The following SCIN variants were observed in gnomAD, a reference collection of about 807,000 sequenced individuals.
The protein encoded by SCIN is scinderin.
Under a neutral mutation model 91.8 loss-of-function variants are expected in SCIN, and 91 were observed. The ratio of observed to expected loss-of-function variants is 0.99; its 90% CI spans 0.84 to 1.18. SCIN has a LOEUF of 1.18. SCIN is among the 50% of genes most tolerant of loss of function. SCIN has a pLI of 0.00. For synonymous variants in SCIN, 367 were observed against 312.6 expected (o/e 1.17, Z -1.84); for missense variants, 1,087 against 863.9 (o/e 1.26, Z -3.24).
rs1476096693 is a variant in SCIN at position 12,651,699 on chromosome 7, G to A, written c.1960-142G>A. On this transcript the variant is annotated intron_variant, in intron 14 of 15. Transcript: ENST00000297029. The surrounding 1 kb of genome is among the most constrained non-coding windows in gnomAD (Gnocchi z 5.9). ...ACTGGGAAAGTGATGGTACCTCTCT[G>A]GGCCACCACCTCCACGTCCCTAACT... is the stretch of plus-strand genomic sequence containing the variant. 1.7e-6 allele frequency: 1 copy of A among 582,596 alleles called. No homozygotes were observed. Among genetic ancestry groups the A allele is most frequent in the Non-Finnish European group, 3.1e-6 (1 of 326,564 alleles). 36.1% of individuals were successfully genotyped at this position (582,596 alleles called of 1,614,324 possible).
chr7:12,632,791 C>T (rs1444028526), intron 9 of SCIN, among the ~76,000 whole-genome samples: 2 of 152,142 alleles, frequency 1.3e-5, no homozygotes, highest in African/African-American at 4.8e-5. Flanking sequence ...AGAGAAGGCA[C>T]CACATCGGTA....
Position 12,636,064 on chromosome 7 carries a change from C to T in SCIN, c.1339C>T (p.Arg447Ter), listed in dbSNP as rs371750806. Residue 447 changes from arginine to a stop codon, truncating the protein, a stop_gained, in exon 10 of 16, where the codon CGA (arginine) becomes TGA (stop). Transcript: ENST00000297029. LOFTEE classifies it high-confidence loss of function. ...CTCTAGGCAAGGAGCAAATGCCACA[C>T]GAGATGAGCTGACAACATCTGCGTT... ...IYTWQGANATRDELTTSAFLT... is the reference protein window; with the variant it reads ...IYTWQGANAT 40 of 1,612,720 alleles carry T rather than the reference C, an allele frequency of 2.5e-5. No individual in the cohort carries two copies. The highest frequency in any genetic ancestry group is 1.3e-4 in the East Asian group (6 of 44,804).
chr7:12,594,557 G>C (rs1782797114), intron 3 of SCIN, among the ~76,000 whole-genome samples: 1 of 152,198 alleles, frequency 6.6e-6, no homozygotes, highest in Admixed American at 6.5e-5. Context: ...AGGCCATGCA[G>C]TATTGCAGTA....
chr7:12,631,306 C>G (rs568377362), intron 9 of SCIN, among the ~76,000 whole-genome samples: 2 of 152,054 alleles, frequency 1.3e-5, no homozygotes, highest in South Asian at 4.1e-4. Flanking sequence ...GGAGCTTATA[C>G]GTAATGAGAA....
intron 3 of SCIN, among the ~76,000 whole-genome samples, chr7:12,603,744 C>T (rs374275532): frequency 2.8e-4 from 42 of 152,092 alleles, no homozygotes; most frequent in African/African-American, 7.5e-4. Flanking sequence ...TATTCTGTTT[C>T]GACTTTTTCA....
At chr7:12,645,799 G>A (rs564834252) in intron 13 of SCIN, among the ~76,000 whole-genome samples, 3 of 152,276 alleles carry the variant, frequency 2.0e-5, no homozygotes, top group South Asian at 2.1e-4. Context: ...TATAATTAAT[G>A]TGAAAGCATT....
At chr7:12,614,845 CA>C (rs1783267114) in intron 4 of SCIN, among the ~76,000 whole-genome samples, 1 of 152,144 alleles carries the variant, frequency 6.6e-6, no homozygotes, top group South Asian at 2.1e-4. Flanking sequence ...GCTCCATGGC[CA>C]AATAATGCCA....
chr7:12,619,393 A>C (rs1260046755), intron 4 of SCIN, among the ~76,000 whole-genome samples: 1 of 152,188 alleles, frequency 6.6e-6, no homozygotes, highest in African/African-American at 2.4e-5. Flanking sequence ...TAAATAAATA[A>C]AAACAGAGGT....
chr7:12,631,845 TAGAC>T (rs1216456357), intron 9 of SCIN, among the ~76,000 whole-genome samples: 1 of 152,116 alleles, frequency 6.6e-6, no homozygotes, highest in Non-Finnish European at 1.5e-5. Flanking sequence ...AAGTGGGAGA[TAGAC>T]AGGCATGCAA....
Position 12,581,344 on chromosome 7 carries a change from T to G in SCIN, c.516+123T>G, listed in dbSNP as rs1782484890. On this transcript the variant is annotated intron_variant, in intron 3 of 15. Coordinates refer to ENST00000297029, the MANE Select transcript of SCIN (RefSeq NM_001112706.3). Reference sequence around the variant, plus strand: ...ACACCAGAAAGGGGCCACGTTTATGTGAGCTGAGTAATTGCCAAGTATTTA... The same window carrying G: ...ACACCAGAAAGGGGCCACGTTTATGGGAGCTGAGTAATTGCCAAGTATTTA... The G allele has an allele frequency of 5.5e-6, 5 of 904,276 alleles. 1 individual carries two copies. The South Asian group carries it at 9.5e-5, about 17-fold the overall frequency. The allele number at this position is 904,276 out of a possible 1,614,324, so 56.0% of individuals were successfully genotyped here. A position where few individuals can be genotyped will look rare whatever the true frequency, so the allele number is the denominator to read the frequency against.
At chr7:12,632,989 T>C (rs905369382) in intron 9 of SCIN, among the ~76,000 whole-genome samples, 1 of 152,174 alleles carries the variant, frequency 6.6e-6, no homozygotes, top group Admixed American at 6.5e-5. Context: ...GTATGTAAGT[T>C]TGTTAGTGTT....
intron 3 of SCIN, chr7:12,588,808 T>TGGGGGGGGGGGGGGG (rs1184493769): frequency 1.3e-4 from 1 of 7,966 alleles, no homozygotes; most frequent in Admixed American, 1.2e-3. Context: ...CTGCATTGGG[T>TGGGGGGGGGGGGGGG]GGGGGGGGGG....
intron 3 of SCIN, among the ~76,000 whole-genome samples, chr7:12,594,508 A>G (rs1782795906): frequency 6.6e-6 from 1 of 152,118 alleles, no homozygotes; most frequent in Non-Finnish European, 1.5e-5. Flanking sequence ...CGAAAGTGCC[A>G]TTTTCGGGCC....
intron 8 of SCIN, among the ~76,000 whole-genome samples, chr7:12,627,646 A>G (rs767571146): frequency 1.3e-5 from 2 of 152,212 alleles, no homozygotes; most frequent in African/African-American, 2.4e-5. Context: ...TCTAAGCGGC[A>G]TGGGTGTTGG....
chr7:12,626,862 G>A, intron 8 of SCIN, 63 bp downstream of exon 8: 1 of 1,397,022 alleles, frequency 7.2e-7, no homozygotes, highest in Non-Finnish European at 9.9e-7. Context: ...GGGAGGGTGG[G>A]GGAGATCACT....
intron 3 of SCIN, among the ~76,000 whole-genome samples, chr7:12,582,020 A>T (rs1230738015): frequency 3.3e-5 from 5 of 152,148 alleles, no homozygotes; most frequent in Non-Finnish European, 4.4e-5. Context: ...CATTATCATC[A>T]TTTTCATCAC....
chr7:12,570,765 C>G lies in SCIN; in HGVS notation c.-22C>G, dbSNP rs943505877. Reference sequence around the variant, plus strand: ...AAGATCAGCGATATCACGCGTCCCCCGGAGCATCGCGTGCAGGAGCCATGG... The same window carrying G: ...AAGATCAGCGATATCACGCGTCCCCGGGAGCATCGCGTGCAGGAGCCATGG... On this transcript the variant is annotated 5_prime_UTR_variant, in exon 1 of 16. Transcript: ENST00000297029. 1.9e-6 allele frequency: 3 copies of G among 1,547,152 alleles called. No homozygotes were observed. The highest frequency in any genetic ancestry group is 1.7e-6 in the Non-Finnish European group (2 of 1,145,090).
chr7:12,657,538 GTATATATATATATATATATATA>G lies in SCIN; in HGVS notation c.*4837_*4858del, dbSNP rs1174371206. ...ATTTTTAAGTTTTATATATGTGTGT[GTATATATATATATATATATATA>G]TATATATATATATTTTTTTTTTTTT... is the stretch of plus-strand genomic sequence containing the variant. On this transcript the variant is annotated 3_prime_UTR_variant, in exon 16 of 16. Transcript: ENST00000297029. 7.2e-5 allele frequency: 2 copies of G among 27,622 alleles called. No individual in the cohort carries two copies. The highest frequency in any genetic ancestry group is 1.7e-4 in the Non-Finnish European group (2 of 11,594). 1.7% of individuals were successfully genotyped at this position (27,622 alleles called of 1,614,324 possible). A position where few individuals can be genotyped will look rare whatever the true frequency, so the allele number is the denominator to read the frequency against.
At chr7:12,604,787 C>A in intron 4 of SCIN, 124 bp downstream of exon 4, 1 of 741,812 alleles carries the variant, frequency 1.3e-6, no homozygotes, top group Non-Finnish European at 2.1e-6. Context: ...ACACATGTTT[C>A]AATAGTGAGC....
Sources: gnomAD v4.1 joint callset for allele counts (sites outside exome capture counted in the v4.1 genomes callset) on GRCh38, gnomAD v4.1.1 for gene constraint, Gnocchi (gnomAD v3.1) non-coding constraint, MANE v1.5 for transcripts, NCBI Gene and HGNC (gene_info 2026-07-23, HGNC 2026-07-21) for gene names.